The following PIK3C2B variants were observed in gnomAD, a reference collection of about 807,000 sequenced individuals.
The protein encoded by PIK3C2B is phosphatidylinositol 4-phosphate 3-kinase C2 domain-containing subunit beta.
PIK3C2B carries 83 observed loss-of-function variants against 184.3 expected under a neutral mutation model. That is an observed-to-expected ratio of 0.45 (90% CI 0.38 to 0.54). The LOEUF is 0.54. PIK3C2B is among the 20% of genes least tolerant of loss of function. PIK3C2B has a pLI of 0.00. For synonymous variants in PIK3C2B, 779 were observed against 837.6 expected (o/e 0.93, Z 1.21); for missense variants, 1,736 against 2,113.5 (o/e 0.82, Z 3.50).
chr1:204,452,651 CTTTTTTTTTTTTTT>C (rs371699160), intron 12 of PIK3C2B, among the ~76,000 whole-genome samples: 1 of 92,374 alleles, frequency 1.1e-5, no homozygotes, highest in Non-Finnish European at 2.0e-5. Flanking sequence ...ACCCCATGTC[CTTTTTTTTTTTTTT>C]TTTTTTTAAG....
intron 21 of PIK3C2B, among the ~76,000 whole-genome samples, chr1:204,440,877 T>G (rs973050258): frequency 1.3e-5 from 2 of 151,786 alleles, no homozygotes; most frequent in African/African-American, 2.4e-5. Context: ...CCTCCCAAAG[T>G]GCTGGGATTA....
chr1:204,426,751 T>G (rs115039255), intron 31 of PIK3C2B, among the ~76,000 whole-genome samples: 302 of 152,268 alleles, frequency 2.0e-3, no homozygotes, highest in African/African-American at 7.0e-3. Context: ...GAAGAGTAAA[T>G]GGATGAATGT....
intron 7 of PIK3C2B, 42 bp downstream of exon 7, chr1:204,460,282 A>G (rs748178230): frequency 6.8e-7 from 1 of 1,469,206 alleles, no homozygotes. Context: ...ATCCCTGCAC[A>G]GTTCTTGTTT....
intron 28 of PIK3C2B, among the ~76,000 whole-genome samples, chr1:204,430,421 C>A (rs1338413861): frequency 6.6e-6 from 1 of 152,092 alleles, no homozygotes; most frequent in Non-Finnish European, 1.5e-5. Context: ...TCTCGGCTCA[C>A]TGCAACCTCC....
intron 1 of PIK3C2B, among the ~76,000 whole-genome samples, chr1:204,487,555 T>C (rs1317131196): frequency 1.3e-5 from 2 of 152,188 alleles, no homozygotes; most frequent in African/African-American, 4.8e-5. Context: ...CTCCTCATCA[T>C]AGGATCAGAG....
At chr1:204,487,154 G>A (rs4951387) in intron 1 of PIK3C2B, among the ~76,000 whole-genome samples, 96,011 of 152,074 alleles carry the variant, frequency 0.63, 31,962 homozygotes, top group Non-Finnish European at 0.72. Context: ...TGCCCAGGCT[G>A]GAGTGCAGTG....
At chr1:204,466,937 C>T (rs570843394) in intron 2 of PIK3C2B, 32 of 532,666 alleles carry the variant, frequency 6.0e-5, no homozygotes, top group South Asian at 1.7e-4. Flanking sequence ...GGAAGCCCGA[C>T]GAAAGCGGGG....
At chr1:204,478,166 G>A (rs1656861937) in intron 1 of PIK3C2B, among the ~76,000 whole-genome samples, 1 of 152,142 alleles carries the variant, frequency 6.6e-6, no homozygotes, top group South Asian at 2.1e-4. Context: ...GGGAGTCAGA[G>A]GCCATTAGGA....
chr1:204,437,033 C>T lies in PIK3C2B; in HGVS notation c.3516+1902G>A, dbSNP rs556939798. ...TGAAAGTAGTAGCCCCCCCTGCCCC[C>T]ACCGCATGATCTAGCTAGTAACCTA... On this transcript the variant is annotated intron_variant, in intron 23 of 32. Coordinates refer to ENST00000684373, the MANE Select transcript of PIK3C2B (RefSeq NM_001377334.1). Among the ~76,000 whole-genome samples, 37 of 152,286 alleles carry T rather than the reference C, an allele frequency of 2.4e-4. 1 individual carries two copies. In the South Asian group the frequency reaches 7.5e-3, roughly 31 times the overall value.
intron 1 of PIK3C2B, among the ~76,000 whole-genome samples, chr1:204,485,419 A>G (rs4951386): frequency 0.63 from 95,571 of 151,898 alleles, 31,743 homozygotes; most frequent in Non-Finnish European, 0.72. Context: ...TTATTTTATT[A>G]GGCACCAAAA....
chr1:204,450,197 C>A, intron 12 of PIK3C2B, 180 bp from the exon 13 acceptor site: 1 of 559,334 alleles, frequency 1.8e-6, no homozygotes, highest in Non-Finnish European at 3.2e-6. Flanking sequence ...CTAGGCAAAA[C>A]CCCCACTGGA....
intron 29 of PIK3C2B, among the ~76,000 whole-genome samples, chr1:204,429,344 G>T (rs772538768): frequency 2.0e-5 from 3 of 152,202 alleles, no homozygotes; most frequent in Non-Finnish European, 2.9e-5. Flanking sequence ...GCAAGTTGGT[G>T]TCTGAAGGAA....
intron 5 of PIK3C2B, 34 bp downstream of exon 5, chr1:204,463,978 G>A (rs1655544723): frequency 2.5e-6 from 4 of 1,608,698 alleles, no homozygotes; most frequent in Non-Finnish European, 3.4e-6. Context: ...TTACTACCAG[G>A]AAGGCAGGGG....
intron 19 of PIK3C2B, 81 bp downstream of exon 19, chr1:204,443,336 T>C: frequency 1.4e-6 from 2 of 1,383,080 alleles, no homozygotes; most frequent in Non-Finnish European, 2.0e-6. Flanking sequence ...CGTGGAATCT[T>C]GTTGTTCAGG....
Position 204,433,243 on chromosome 1 carries a change from T to G in PIK3C2B, c.3953+73A>C. 1.2e-6 allele frequency: 1 copy of G among 826,328 alleles called. No individual in the cohort carries two copies. Among genetic ancestry groups the G allele is most frequent in the South Asian group, 1.5e-5 (1 of 66,608 alleles). The allele number at this position is 826,328 out of a possible 1,614,324, so 51.2% of individuals were successfully genotyped here. A position where few individuals can be genotyped will look rare whatever the true frequency, so the allele number is the denominator to read the frequency against. Reference sequence around the variant, plus strand: ...TAAGCTTTTCACCTTTCCCCAGTCCTCCTCCTGCCAATCCGGCAGGCTGGG... The same window carrying G: ...TAAGCTTTTCACCTTTCCCCAGTCCGCCTCCTGCCAATCCGGCAGGCTGGG... On this transcript the variant is annotated intron_variant, in intron 26 of 32. Transcript: ENST00000684373. This position sits in a 1 kb window ranked among gnomAD's most constrained non-coding sequence, Gnocchi z 5.0.
chr1:204,432,724 T>A (rs1315491550), intron 26 of PIK3C2B, among the ~76,000 whole-genome samples: 1 of 152,188 alleles, frequency 6.6e-6, no homozygotes, highest in Non-Finnish European at 1.5e-5. Context: ...TTCATTACAA[T>A]AGAACCTCAC....
At chr1:204,445,475 C>T (rs1039998918) in intron 16 of PIK3C2B, among the ~76,000 whole-genome samples, 1 of 151,682 alleles carries the variant, frequency 6.6e-6, no homozygotes, top group Non-Finnish European at 1.5e-5. Context: ...GTGCACTGTG[C>T]ACTTGTTGTT....
chr1:204,444,621 A>G (rs1653690867), intron 16 of PIK3C2B, among the ~76,000 whole-genome samples, 197 bp from the exon 17 acceptor site: 1 of 152,220 alleles, frequency 6.6e-6, no homozygotes, highest in South Asian at 2.1e-4. Flanking sequence ...CCTCACGGTC[A>G]GAGTCTGCCT....
chr1:204,489,938 TGAGAGAAA>T (rs1657900364), intron 1 of PIK3C2B: 3 of 395,852 alleles, frequency 7.6e-6, no homozygotes, highest in Non-Finnish European at 8.9e-6. Context: ...CCATCTAGTA[TGAGAGAAA>T]GAGAGAAAGA....
Sources: allele counts gnomAD v4.1 joint callset (sites outside exome capture counted in the v4.1 genomes callset), GRCh38; gene constraint gnomAD v4.1.1; non-coding constraint Gnocchi (gnomAD v3.1); transcripts MANE v1.5; gene names NCBI Gene and HGNC (gene_info 2026-07-23, HGNC 2026-07-21).